C8orf88: variants seen among roughly 807,000 people sequenced by gnomAD.
C8orf88 encodes the protein uncharacterized protein C8orf88.
In C8orf88, 14 loss-of-function variants were observed where a neutral mutation model predicts 18.4. The ratio of observed to expected loss-of-function variants is 0.76; its 90% confidence interval spans 0.50 to 1.19. The LOEUF (loss-of-function observed/expected upper bound fraction) is 1.19. Ranked by LOEUF, C8orf88 falls within the 50% of genes most tolerant of loss-of-function variation. C8orf88 has a pLI of 0.00. For synonymous variants in C8orf88, 45 were observed against 42.9 expected (o/e 1.05, Z -0.19); for missense variants, 116 against 134.7 (o/e 0.86, Z 0.69).
At chr8:90,971,302 A>G (rs76937725) in intron 3 of C8orf88, among the ~76,000 whole-genome samples, 161 bp from the exon 4 acceptor site, 1 of 152,040 alleles carries the variant, frequency 6.6e-6, no homozygotes, top group South Asian at 2.1e-4. Flanking sequence ...AGCGACAAAA[A>G]CATCTTTCAA....
chr8:90,982,737 T>C (rs1811451058), intron 1 of C8orf88, among the ~76,000 whole-genome samples: 1 of 152,136 alleles, frequency 6.6e-6, no homozygotes, highest in African/African-American at 2.4e-5. Context: ...TTAGAAAAGA[T>C]GGTGTCATTC....
chr8:90,964,477 C>T (rs1299885014), intron 4 of C8orf88, among the ~76,000 whole-genome samples: 4 of 151,728 alleles, frequency 2.6e-5, no homozygotes, highest in Non-Finnish European at 1.5e-5. Flanking sequence ...CAAATACTGA[C>T]AGTTTACTGC....
chr8:90,975,101 GATC>G (rs1811328738), intron 3 of C8orf88, among the ~76,000 whole-genome samples: 1 of 152,152 alleles, frequency 6.6e-6, no homozygotes, highest in South Asian at 2.1e-4. Flanking sequence ...CATGTTAATA[GATC>G]ATAAGATGTC....
intron 4 of C8orf88, among the ~76,000 whole-genome samples, chr8:90,964,358 G>C (rs1186141845): frequency 6.6e-6 from 1 of 151,722 alleles, no homozygotes; most frequent in Non-Finnish European, 1.5e-5. Flanking sequence ...CAGAAGTCAT[G>C]TGATGACATA....
At chr8:90,980,573 G>T in intron 1 of C8orf88, 112 bp from the exon 2 acceptor site, 1 of 503,312 alleles carries the variant, frequency 2.0e-6, no homozygotes, top group East Asian at 3.3e-5. Flanking sequence ...AAGTTAAAGT[G>T]GAAAACACAA....
At position 90,967,347 on chromosome 8, in the gene C8orf88, T is replaced by C. The variant is rs62528318; in HGVS notation, c.223+3719A>G. Among the ~76,000 whole-genome samples, 1,323 of 152,040 alleles carry C rather than the reference T, an allele frequency of 8.7e-3. 13 individuals are homozygous for C. Among genetic ancestry groups the C allele is most frequent in the Middle Eastern group, 0.044 (13 of 294 alleles). On this transcript the variant is annotated intron_variant, in intron 4 of 5. Transcript: ENST00000517562. Reference sequence around the variant, plus strand: ...ATTTTATTGAGAATTTTTGTATCTATATTTGAAGGGATATTGGCTACAGTT... The same window carrying C: ...ATTTTATTGAGAATTTTTGTATCTACATTTGAAGGGATATTGGCTACAGTT...
At chr8:90,978,445 T>A (rs1340089292) in intron 3 of C8orf88, 134 bp downstream of exon 3, 2 of 425,488 alleles carry the variant, frequency 4.7e-6, no homozygotes, top group African/African-American at 2.0e-5. Flanking sequence ...TAAATGGGTG[T>A]TACATTATCT....
chr8:90,962,482 C>A (rs190463898), intron 4 of C8orf88, among the ~76,000 whole-genome samples: 1 of 151,364 alleles, frequency 6.6e-6, no homozygotes, highest in African/African-American at 2.4e-5. Flanking sequence ...TTCTCAGAAC[C>A]CTGGACTCTA....
At chr8:90,983,202 T>C (rs759761889) in intron 1 of C8orf88, among the ~76,000 whole-genome samples, 6 of 152,106 alleles carry the variant, frequency 3.9e-5, no homozygotes, top group Non-Finnish European at 8.8e-5. Flanking sequence ...TATCATAAGG[T>C]TGTAAAATGT....
At chr8:90,969,465 C>G (rs115476929) in intron 4 of C8orf88, among the ~76,000 whole-genome samples, 4 of 151,654 alleles carry the variant, frequency 2.6e-5, no homozygotes, top group African/African-American at 9.7e-5. Flanking sequence ...GAAAATATCA[C>G]GTGCCCTCAA....
rs1298506474 is a variant in C8orf88, at chr8:90,960,855, A to C, written c.224-7T>G. 2.8e-6 allele frequency: 4 copies of C among 1,453,526 alleles called. No homozygotes were observed. In the South Asian group the frequency reaches 4.9e-5, roughly 18 times the overall value. 90.0% of individuals were successfully genotyped at this position (1,453,526 alleles called of 1,614,324 possible). A position where few individuals can be genotyped will look rare whatever the true frequency, so the allele number is the denominator to read the frequency against. On this transcript the variant is annotated splice_polypyrimidine_tract_variant and splice_region_variant and intron_variant, in intron 4 of 5. Transcript: ENST00000517562. ...CTGCTGTATTTAATTCTCTCTGTAGATATTAAACATCAAATATAATGTTAG... is the reference window on the plus strand; with the variant it reads ...CTGCTGTATTTAATTCTCTCTGTAGCTATTAAACATCAAATATAATGTTAG...
intron 2 of C8orf88, among the ~76,000 whole-genome samples, chr8:90,979,395 C>T (rs547545576): frequency 2.0e-4 from 31 of 152,278 alleles, no homozygotes; most frequent in African/African-American, 6.5e-4. Context: ...CCTACACAAC[C>T]GCTTCCACTG....
chr8:90,959,655 ACAT>A (rs1811096568), intron 5 of C8orf88, among the ~76,000 whole-genome samples: 1 of 151,518 alleles, frequency 6.6e-6, no homozygotes, highest in African/African-American at 2.4e-5. Flanking sequence ...ACTATGAACA[ACAT>A]AATGTTTTTT....
intron 1 of C8orf88, among the ~76,000 whole-genome samples, chr8:90,983,434 C>T (rs1307684608): frequency 6.6e-6 from 1 of 151,862 alleles, no homozygotes; most frequent in African/African-American, 2.4e-5. Flanking sequence ...CTATTCTACA[C>T]CTGGCAATAC....
chr8:90,965,571 T>C (rs1247408243), intron 4 of C8orf88, among the ~76,000 whole-genome samples: 1 of 151,718 alleles, frequency 6.6e-6, no homozygotes, highest in Admixed American at 6.6e-5. Context: ...GAAGCACACA[T>C]GGAACCACAG....
At chr8:90,962,666 C>T (rs897892683) in intron 4 of C8orf88, among the ~76,000 whole-genome samples, 1 of 151,616 alleles carries the variant, frequency 6.6e-6, no homozygotes, top group Non-Finnish European at 1.5e-5. Flanking sequence ...GGGAGTAGTA[C>T]AGACTTTATT....
chr8:90,968,393 T>C (rs1305406181), intron 4 of C8orf88, among the ~76,000 whole-genome samples: 1 of 151,538 alleles, frequency 6.6e-6, no homozygotes, highest in Non-Finnish European at 1.5e-5. Context: ...AACAATGAAG[T>C]TGGACTTTTA....
At chr8:90,966,412 G>A (rs1811198747) in intron 4 of C8orf88, among the ~76,000 whole-genome samples, 1 of 148,414 alleles carries the variant, frequency 6.7e-6, no homozygotes, top group Admixed American at 6.7e-5. Context: ...TAGATGATGA[G>A]TTAGTGGGTG....
At chr8:90,968,847 GAA>G (rs1329114263) in intron 4 of C8orf88, among the ~76,000 whole-genome samples, 2 of 150,234 alleles carry the variant, frequency 1.3e-5, no homozygotes, top group Non-Finnish European at 3.0e-5. Context: ...ATCCAAAAAA[GAA>G]ATAGAAATAG....
Sources: allele counts gnomAD v4.1 joint callset (sites outside exome capture counted in the v4.1 genomes callset), GRCh38; gene constraint gnomAD v4.1.1; transcripts MANE v1.5; gene names NCBI Gene and HGNC (gene_info 2026-07-23, HGNC 2026-07-21).